MAGI1: variants seen among roughly 807,000 people sequenced by gnomAD.
MAGI1 encodes the protein membrane-associated guanylate kinase, WW and PDZ domain-containing protein 1.
In MAGI1, 58 loss-of-function variants were observed where a neutral mutation model predicts 139.9. The observed-to-expected ratio is 0.41, with a 90% CI of 0.34 to 0.52. The LOEUF is 0.52. Ranked by LOEUF, MAGI1 falls within the 20% of genes least tolerant of loss-of-function variation. The pLI, the probability that MAGI1 is intolerant of heterozygous loss-of-function variation, is 0.12. For synonymous variants in MAGI1, 812 were observed against 737.9 expected, an observed-to-expected ratio of 1.10 and a Z score of -1.63; for missense variants, 1,874 against 1,901.6, an observed-to-expected ratio of 0.99 and a Z score of 0.27.
intron 1 of MAGI1, among the ~76,000 whole-genome samples, chr3:65,696,332 T>G (rs2089184521): frequency 6.6e-6 from 1 of 152,176 alleles, no homozygotes; most frequent in African/African-American, 2.4e-5. Context: ...AGATACATTT[T>G]TTTAATTATC....
chr3:65,436,550 T>G (rs1947869527), intron 10 of MAGI1, among the ~76,000 whole-genome samples: 1 of 152,196 alleles, frequency 6.6e-6, no homozygotes, highest in African/African-American at 2.4e-5. Context: ...GAATAGGGAA[T>G]GAGAACTGAA....
intron 1 of MAGI1, among the ~76,000 whole-genome samples, chr3:65,921,308 A>T (rs1179203123): frequency 6.9e-6 from 1 of 144,640 alleles, no homozygotes; most frequent in African/African-American, 2.6e-5. Flanking sequence ...AATGACGTAT[A>T]ATTTTTTTTT....
intron 1 of MAGI1, among the ~76,000 whole-genome samples, chr3:65,917,703 A>G (rs2061971217): frequency 6.6e-6 from 1 of 152,210 alleles, no homozygotes; most frequent in African/African-American, 2.4e-5. Flanking sequence ...GCTACATACT[A>G]TATGATTCCA....
chr3:65,941,260 T>C (rs1364354164), intron 1 of MAGI1, among the ~76,000 whole-genome samples: 1 of 151,596 alleles, frequency 6.6e-6, no homozygotes, highest in Non-Finnish European at 1.5e-5. Context: ...GGCAGGAGAA[T>C]AGCTTGAACC....
intron 1 of MAGI1, among the ~76,000 whole-genome samples, chr3:65,679,156 C>T (rs940543759): frequency 7.3e-5 from 11 of 151,340 alleles, no homozygotes; most frequent in African/African-American, 2.2e-4. Context: ...ACTTCCTTAG[C>T]TCAAAAAAAA....
At chr3:65,747,646 G>C (rs1466974041) in intron 1 of MAGI1, among the ~76,000 whole-genome samples, 2 of 152,172 alleles carry the variant, frequency 1.3e-5, no homozygotes, top group Non-Finnish European at 2.9e-5. Context: ...GTGGACTTCA[G>C]TTAAGTGATG....
rs35122002 is a variant in MAGI1 at position 65,648,290 on chromosome 3, C to CGTGTGTGTGT, written c.314-26212_314-26203dup. ...TTCCAGAGAAGCTAGTACTACAGGC[C>CGTGTGTGTGT]GTGTGTGTGTGTGTGTGTGTGTGTG... On this transcript the variant is annotated intron_variant, in intron 1 of 22. Transcript: ENST00000402939. Among the ~76,000 whole-genome samples the CGTGTGTGTGT allele has an allele frequency of 2.2e-3, 329 of 146,786 alleles. 1 individual carries two copies. The highest frequency in any genetic ancestry group is 3.4e-3 in the African/African-American group (132 of 38,554).
At chr3:65,469,645 T>G (rs1015541081) in intron 5 of MAGI1, 2 of 151,950 alleles carry the variant, frequency 1.3e-5, no homozygotes, top group South Asian at 2.1e-4. Context: ...AATGAAAATA[T>G]TTACGACTCT....
chr3:65,855,620 A>AGAGGGGAGGG (rs1575723130), intron 1 of MAGI1, among the ~76,000 whole-genome samples: 16 of 6,894 alleles, frequency 2.3e-3, no homozygotes, highest in African/African-American at 2.3e-3. Flanking sequence ...GATGGGGAGG[A>AGAGGGGAGGG]GAGAGGGGAG....
intron 1 of MAGI1, among the ~76,000 whole-genome samples, chr3:65,846,383 A>C (rs2058995280): frequency 6.6e-6 from 1 of 152,236 alleles, no homozygotes; most frequent in Non-Finnish European, 1.5e-5. Context: ...AATCAAGGGC[A>C]AAGTTGAGAC....
chr3:66,027,244 G>A (rs1456176751), intron 1 of MAGI1, among the ~76,000 whole-genome samples: 1 of 150,484 alleles, frequency 6.6e-6, no homozygotes, highest in African/African-American at 2.5e-5. Context: ...CTCCAAGCTG[G>A]GTGACAATGA....
chr3:65,713,197 T>C (rs1297506393), intron 1 of MAGI1, among the ~76,000 whole-genome samples: 2 of 152,144 alleles, frequency 1.3e-5, no homozygotes, highest in Non-Finnish European at 2.9e-5. Context: ...TCTGGTTGCT[T>C]GAGTGATGCA....
At chr3:65,507,025 T>C (rs1376531583) in intron 2 of MAGI1, among the ~76,000 whole-genome samples, 2 of 152,174 alleles carry the variant, frequency 1.3e-5, no homozygotes, top group Non-Finnish European at 2.9e-5. Flanking sequence ...AGTATACATA[T>C]GGCTACATCA....
intron 1 of MAGI1, among the ~76,000 whole-genome samples, chr3:65,654,994 T>C (rs1437556454): frequency 1.3e-5 from 2 of 152,236 alleles, no homozygotes; most frequent in Non-Finnish European, 2.9e-5. Context: ...ATCTTGCCAT[T>C]ACCCAATTTA....
intron 1 of MAGI1, among the ~76,000 whole-genome samples, chr3:65,715,778 T>C (rs1450250244): frequency 6.6e-6 from 1 of 152,254 alleles, no homozygotes; most frequent in Admixed American, 6.5e-5. Context: ...GCACTCATTA[T>C]AGGAAAACAC....
intron 5 of MAGI1, among the ~76,000 whole-genome samples, chr3:65,467,641 C>T (rs138882951): frequency 3.2e-4 from 49 of 152,278 alleles, no homozygotes; most frequent in East Asian, 2.7e-3. Flanking sequence ...GTAAGCCAGC[C>T]ATAGTTTAGG....
intron 1 of MAGI1, among the ~76,000 whole-genome samples, chr3:65,667,452 G>A (rs111998864): frequency 4.0e-4 from 61 of 152,328 alleles, no homozygotes; most frequent in African/African-American, 1.4e-3. Flanking sequence ...GAAGTGTGAT[G>A]TGTGTTTTGC....
At chr3:65,508,341 T>G (rs1363876646) in intron 2 of MAGI1, among the ~76,000 whole-genome samples, 3 of 152,062 alleles carry the variant, frequency 2.0e-5, no homozygotes, top group Admixed American at 2.0e-4. Context: ...GAGGCGGAGC[T>G]TGCAGTGAGC....
intron 1 of MAGI1, among the ~76,000 whole-genome samples, chr3:65,662,231 A>G (rs868322184): frequency 3.2e-4 from 49 of 152,240 alleles, no homozygotes; most frequent in African/African-American, 1.2e-3. Context: ...TTAACAAGTA[A>G]GCCATACTCA....
Sources: gnomAD v4.1 joint callset for allele counts (sites outside exome capture counted in the v4.1 genomes callset) on GRCh38, gnomAD v4.1.1 for gene constraint, MANE v1.5 for transcripts, NCBI Gene and HGNC (gene_info 2026-07-23, HGNC 2026-07-21) for gene names.